The following SLC44A5 variants were observed in gnomAD, a reference collection of about 807,000 sequenced individuals.
SLC44A5 encodes the protein solute carrier family 44 member 5.
In SLC44A5, 57 loss-of-function variants were observed where a neutral mutation model predicts 101.8. That is an observed-to-expected ratio of 0.56 (90% CI 0.45 to 0.70). The LOEUF (loss-of-function observed/expected upper bound fraction) is 0.70, where lower values mean the gene tolerates loss of function less well. Ranked by LOEUF, SLC44A5 falls within the 30% of genes least tolerant of loss-of-function variation. The probability of loss-of-function intolerance (pLI) is 0.00; values close to 1 mark genes in which losing one functional copy is unlikely to be tolerated. For missense variants in SLC44A5, 737 were observed against 853.1 expected (o/e 0.86, Z 1.70); for synonymous variants, 281 against 290.9 (o/e 0.97, Z 0.35).
At chr1:75,402,688 A>C (rs892997935) in intron 2 of SLC44A5, among the ~76,000 whole-genome samples, 3 of 152,034 alleles carry the variant, frequency 2.0e-5, no homozygotes, top group African/African-American at 7.2e-5. Flanking sequence ...GGTCTTCACA[A>C]CCCACAGATT....
At chr1:75,628,961 G>C in the SLC44A5 span, among the ~76,000 whole-genome samples, 1 of 152,080 alleles carries the variant, frequency 6.6e-6, no homozygotes, top group Non-Finnish European at 1.5e-5. Flanking sequence ...TGTTCTACCA[G>C]AAAAGGGAAC....
At chr1:75,236,481 C>T (rs749608711) in intron 11 of SLC44A5, among the ~76,000 whole-genome samples, 10 of 151,944 alleles carry the variant, frequency 6.6e-5, no homozygotes, top group South Asian at 2.1e-4. Flanking sequence ...ATTTATGTAT[C>T]GCATATGTAG....
At chr1:75,645,039 G>A in the SLC44A5 span, among the ~76,000 whole-genome samples, 11 of 151,992 alleles carry the variant, frequency 7.2e-5, no homozygotes, top group Non-Finnish European at 4.4e-5. Flanking sequence ...TTGGACATTT[G>A]GGTTGGTTCC....
At chr1:75,547,023 A>G (rs937211581) in intron 1 of SLC44A5, among the ~76,000 whole-genome samples, 1 of 152,174 alleles carries the variant, frequency 6.6e-6, no homozygotes, top group Non-Finnish European at 1.5e-5. Context: ...TTTGGATGAA[A>G]GAATAATGAA....
chr1:75,317,630 G>T (rs542551501), intron 4 of SLC44A5, among the ~76,000 whole-genome samples: 2 of 152,232 alleles, frequency 1.3e-5, no homozygotes, highest in African/African-American at 4.8e-5. Flanking sequence ...AAATACCATA[G>T]GCTAGTTGGT....
the SLC44A5 span, among the ~76,000 whole-genome samples, chr1:75,688,101 G>A: frequency 1.3e-5 from 2 of 152,272 alleles, no homozygotes; most frequent in South Asian, 4.1e-4. Context: ...ACAAATGGAG[G>A]TGGAAAGGTT....
chr1:75,591,773 A>C (rs557831470), intron 1 of SLC44A5, among the ~76,000 whole-genome samples: 47 of 152,150 alleles, frequency 3.1e-4, no homozygotes, highest in Non-Finnish European at 5.3e-4. Flanking sequence ...GAAGGATAAA[A>C]ATCATATGAT....
chr1:75,603,873 C>T (rs1344091399), intron 1 of SLC44A5, among the ~76,000 whole-genome samples: 2 of 143,506 alleles, frequency 1.4e-5, no homozygotes, highest in Non-Finnish European at 3.0e-5. Flanking sequence ...TGGTGTTTTA[C>T]TTGTTCAATT....
At chr1:75,521,221 T>G (rs1670102585) in intron 2 of SLC44A5, among the ~76,000 whole-genome samples, 1 of 152,200 alleles carries the variant, frequency 6.6e-6, no homozygotes, top group Non-Finnish European at 1.5e-5. Context: ...AACCACATGA[T>G]CATACTTTTA....
chr1:75,524,610 G>A (rs920822902), intron 2 of SLC44A5, among the ~76,000 whole-genome samples: 4 of 152,098 alleles, frequency 2.6e-5, no homozygotes, highest in Non-Finnish European at 5.9e-5. Flanking sequence ...CATATATCAG[G>A]ATTTCTCTGG....
chr1:75,323,508 A>C (rs1656341351), intron 4 of SLC44A5, among the ~76,000 whole-genome samples: 1 of 152,184 alleles, frequency 6.6e-6, no homozygotes, highest in African/African-American at 2.4e-5. Flanking sequence ...ATCCCTGAGG[A>C]ATCGCCACAC....
At chr1:75,717,257 C>T in the SLC44A5 span, among the ~76,000 whole-genome samples, 1 of 150,480 alleles carries the variant, frequency 6.6e-6, no homozygotes, top group Non-Finnish European at 1.5e-5. Flanking sequence ...ATGAGAATCA[C>T]TTGAATCTCG....
At chr1:75,370,819 T>C (rs1048671894) in intron 3 of SLC44A5, among the ~76,000 whole-genome samples, 8 of 152,202 alleles carry the variant, frequency 5.3e-5, no homozygotes, top group African/African-American at 1.9e-4. Flanking sequence ...GAGAAAAATG[T>C]AATTTCCTGC....
intron 1 of SLC44A5, among the ~76,000 whole-genome samples, chr1:75,577,048 A>C (rs559590294): frequency 6.6e-6 from 1 of 152,292 alleles, no homozygotes; most frequent in Admixed American, 6.5e-5. Context: ...ATTCAGAGCA[A>C]AGCCCTGCAT....
At chr1:75,514,176 C>T (rs1403817221) in intron 2 of SLC44A5, among the ~76,000 whole-genome samples, 1 of 152,166 alleles carries the variant, frequency 6.6e-6, no homozygotes, top group African/African-American at 2.4e-5. Context: ...AAAAAGAACT[C>T]TGTACTGGTT....
At chr1:75,393,799 A>C (rs1160511272) in intron 3 of SLC44A5, among the ~76,000 whole-genome samples, 1 of 152,202 alleles carries the variant, frequency 6.6e-6, no homozygotes, top group Non-Finnish European at 1.5e-5. Context: ...GCAGATAAAA[A>C]TGAGTTAGGA....
chr1:75,638,582 T>C, the SLC44A5 span, among the ~76,000 whole-genome samples: 1 of 152,010 alleles, frequency 6.6e-6, no homozygotes, highest in Non-Finnish European at 1.5e-5. Context: ...CAATTGAATA[T>C]ACTCCACAGC....
At chr1:75,222,294 G>A (rs1243277579) in intron 14 of SLC44A5, 67 bp downstream of exon 14, 22 of 1,171,494 alleles carry the variant, frequency 1.9e-5, no homozygotes, top group African/African-American at 3.0e-5. Flanking sequence ...AGATATTTAT[G>A]CAAGGGACAG....
At chr1:75,438,672 A>G (rs1359959806) in intron 2 of SLC44A5, among the ~76,000 whole-genome samples, 3 of 152,132 alleles carry the variant, frequency 2.0e-5, no homozygotes, top group South Asian at 4.1e-4. Context: ...AGAGGCTACA[A>G]TGGTCCAGGT....
Sources: gnomAD v4.1 joint callset for allele counts (sites outside exome capture counted in the v4.1 genomes callset) on GRCh38, gnomAD v4.1.1 for gene constraint, MANE v1.5 for transcripts, NCBI Gene and HGNC (gene_info 2026-07-23, HGNC 2026-07-21) for gene names.